The following HCRTR2 variants were observed in gnomAD, a reference collection of about 807,000 sequenced individuals.
HCRTR2 encodes the protein hypocretin receptor 2.
HCRTR2 carries 22 observed loss-of-function variants against 49.0 expected under a neutral mutation model. That is an observed-to-expected ratio of 0.45 (90% CI 0.32 to 0.64). The LOEUF is 0.64. Among genes scored for constraint, HCRTR2 ranks in the 30% least tolerant of loss-of-function variants. The pLI is 0.04. For missense variants in HCRTR2, 491 were observed against 559.4 expected, an observed-to-expected ratio of 0.88 and a Z score of 1.23; for synonymous variants, 236 against 205.3, an observed-to-expected ratio of 1.15 and a Z score of -1.28.
At chr6:55,185,105 T>C (rs185448088) in intron 1 of HCRTR2, among the ~76,000 whole-genome samples, 37 of 152,370 alleles carry the variant, frequency 2.4e-4, no homozygotes, top group Admixed American at 2.4e-3. Flanking sequence ...GAATCAACTT[T>C]TTATTATTAA....
chr6:55,185,709 A>G (rs7775745), intron 1 of HCRTR2, among the ~76,000 whole-genome samples: 80,722 of 152,022 alleles, frequency 0.53, 21,849 homozygotes, highest in Non-Finnish European at 0.57. Context: ...TAAATGAACT[A>G]TAACATTTAC....
intron 1 of HCRTR2, among the ~76,000 whole-genome samples, 190 bp downstream of exon 1, chr6:55,175,000 C>G (rs891936036): frequency 6.6e-6 from 1 of 152,102 alleles, no homozygotes. Context: ...GGACCGAGCC[C>G]TGGAAAGGTT....
intron 1 of HCRTR2, among the ~76,000 whole-genome samples, chr6:55,117,752 A>ACATGCTG (rs936900836): frequency 1.0e-4 from 14 of 140,482 alleles, no homozygotes; most frequent in African/African-American, 3.7e-4. Context: ...GTTTTAGCCA[A>ACATGCTG]CATGCTGCAC....
intron 1 of HCRTR2, among the ~76,000 whole-genome samples, chr6:55,165,569 C>T (rs1201383868): frequency 6.6e-6 from 1 of 151,462 alleles, no homozygotes; most frequent in Non-Finnish European, 1.5e-5. Flanking sequence ...GCAATGATTT[C>T]TTAAATATGA....
intron 1 of HCRTR2, among the ~76,000 whole-genome samples, chr6:55,200,726 T>A (rs1404772064): frequency 2.0e-5 from 3 of 152,240 alleles, no homozygotes. Context: ...AGAATTTTGA[T>A]GCTTCTTGTC....
chr6:55,219,808 A>C (rs1164965602), intron 1 of HCRTR2, among the ~76,000 whole-genome samples: 2 of 151,952 alleles, frequency 1.3e-5, no homozygotes, highest in Non-Finnish European at 2.9e-5. Flanking sequence ...TTTGGCTAGA[A>C]TAACTAAGAA....
Position 55,233,367 on chromosome 6 carries a change from C to T in HCRTR2, c.224-15272C>T, listed in dbSNP as rs185153901. Among the ~76,000 whole-genome samples, 272 of 152,058 alleles carry T rather than the reference C, an allele frequency of 1.8e-3. 1 individual carries two copies. The highest frequency in any genetic ancestry group is 6.4e-3 in the African/African-American group (264 of 41,500). On this transcript the variant is annotated intron_variant, in intron 1 of 6. Coordinates refer to ENST00000370862, the MANE Select transcript of HCRTR2 (RefSeq NM_001384272.1). Reference sequence around the variant, plus strand: ...CGGCTTCCCAAAGTGCTGGGATTACCGGCATGAGCCACCACGCATGGCCAA... The same window carrying T: ...CGGCTTCCCAAAGTGCTGGGATTACTGGCATGAGCCACCACGCATGGCCAA...
intron 1 of HCRTR2, among the ~76,000 whole-genome samples, chr6:55,197,727 T>A (rs1464050611): frequency 6.6e-6 from 1 of 152,140 alleles, no homozygotes; most frequent in Non-Finnish European, 1.5e-5. Flanking sequence ...GTTCATGCCA[T>A]TCTCCTGCCT....
chr6:55,203,898 G>A (rs2127286418), intron 1 of HCRTR2, among the ~76,000 whole-genome samples: 1 of 151,980 alleles, frequency 6.6e-6, no homozygotes, highest in Middle Eastern at 3.4e-3. Flanking sequence ...CTCCAAATGA[G>A]ATGGAGATCC....
At chr6:55,233,248 T>G (rs1329335753) in intron 1 of HCRTR2, among the ~76,000 whole-genome samples, 1 of 152,006 alleles carries the variant, frequency 6.6e-6, no homozygotes, top group East Asian at 1.9e-4. Context: ...ACCACCAGAC[T>G]CAGCTAATTT....
Position 55,182,069 on chromosome 6 carries a change from A to G in HCRTR2, c.223+7259A>G, listed in dbSNP as rs1344077889. Among the ~76,000 whole-genome samples the G allele has an allele frequency of 6.0e-4, 92 of 152,196 alleles. 1 individual carries two copies. Among genetic ancestry groups the G allele is most frequent in the Admixed American group, 6.0e-3 (92 of 15,288 alleles). ...AACCCTGAATTTTCATTGGCTTAGT[A>G]TCACGAAAGTTTATTTCTTGCTCAT... On this transcript the variant is annotated intron_variant, in intron 1 of 6. Transcript: ENST00000370862.
intron 1 of HCRTR2, among the ~76,000 whole-genome samples, chr6:55,197,091 A>G (rs1765429460): frequency 6.6e-6 from 1 of 152,182 alleles, no homozygotes; most frequent in Non-Finnish European, 1.5e-5. Context: ...TTACCCTAAA[A>G]CCAACTGTAA....
At chr6:55,236,818 A>G (rs1319310167) in intron 1 of HCRTR2, among the ~76,000 whole-genome samples, 1 of 152,064 alleles carries the variant, frequency 6.6e-6, no homozygotes, top group African/African-American at 2.4e-5. Context: ...AGCACTTCTT[A>G]TATCTACAAA....
chr6:55,151,285 C>G (rs1764661638), intron 1 of HCRTR2, among the ~76,000 whole-genome samples: 1 of 152,028 alleles, frequency 6.6e-6, no homozygotes, highest in Non-Finnish European at 1.5e-5. Flanking sequence ...ATTTTACCCA[C>G]AATAAAACTC....
At chr6:55,156,898 G>A (rs1213695781) in intron 1 of HCRTR2, among the ~76,000 whole-genome samples, 2 of 151,998 alleles carry the variant, frequency 1.3e-5, no homozygotes, top group African/African-American at 4.8e-5. Context: ...ACTTTACAAA[G>A]AACATCTACA....
At chr6:55,181,151 A>T (rs1765127179) in intron 1 of HCRTR2, among the ~76,000 whole-genome samples, 1 of 131,156 alleles carries the variant, frequency 7.6e-6, no homozygotes, top group African/African-American at 2.7e-5. Context: ...CCTGGATCAG[A>T]ATAATATATT....
chr6:55,239,979 G>T (rs1050697317), intron 1 of HCRTR2, among the ~76,000 whole-genome samples: 3 of 151,888 alleles, frequency 2.0e-5, no homozygotes, highest in Non-Finnish European at 4.4e-5. Flanking sequence ...GTTTCGCCAT[G>T]TTGGCCAGGC....
At chr6:55,244,599 G>A (rs1410097657) in intron 1 of HCRTR2, among the ~76,000 whole-genome samples, 3 of 152,046 alleles carry the variant, frequency 2.0e-5, no homozygotes, top group Non-Finnish European at 4.4e-5. Context: ...TATAAATTTA[G>A]TGTGCTCTCA....
chr6:55,174,763 C>T lies in HCRTR2; in HGVS notation c.176C>T (p.Ala59Val), dbSNP rs764078525. ...AAAGAATATGAGTGGGTCCTGATCG[C>T]CGGGTACATCATCGTGTTCGTCGTG... is the stretch of plus-strand genomic sequence containing the variant. ...HPKEYEWVLI[A>V]GYIIVFVVAL... The change falls in exon 1 of 7, where the codon GCC becomes GTC. Residue 59 changes from alanine to valine, a missense_variant. Transcript: ENST00000370862. 6.2e-7 allele frequency: 1 copy of T among 1,614,012 alleles called. No individual in the cohort carries two copies.
Sources: allele counts gnomAD v4.1 joint callset (sites outside exome capture counted in the v4.1 genomes callset), GRCh38; gene constraint gnomAD v4.1.1; transcripts MANE v1.5; gene names NCBI Gene and HGNC (gene_info 2026-07-23, HGNC 2026-07-21).